Variants in RPS6KC1 observed in about 807,000 individuals in gnomAD.
RPS6KC1 encodes the protein inactive ribosomal protein S6 kinase delta-1.
RPS6KC1 carries 54 observed loss-of-function variants against 103.8 expected under a neutral mutation model. That is an observed-to-expected ratio of 0.52 (90% CI 0.42 to 0.65). RPS6KC1 has a LOEUF of 0.65. Among genes scored for constraint, RPS6KC1 ranks in the 30% least tolerant of loss-of-function variants. The probability of loss-of-function intolerance (pLI) is 0.00; values close to 1 mark genes in which losing one functional copy is unlikely to be tolerated. For synonymous variants in RPS6KC1, 439 were observed against 438.7 expected (o/e 1.00, Z -0.01); for missense variants, 1,151 against 1,253.8 (o/e 0.92, Z 1.24).
At chr1:213,118,021 C>CAAAAAAAAA (rs59318173) in intron 5 of RPS6KC1, among the ~76,000 whole-genome samples, 2,195 of 33,992 alleles carry the variant, frequency 0.065, 390 homozygotes, top group Non-Finnish European at 0.089. Flanking sequence ...GACTTTGTCT[C>CAAAAAAAAA]AAAAAAAAAA....
chr1:213,619,767 G>A, the RPS6KC1 span, among the ~76,000 whole-genome samples: 2 of 152,330 alleles, frequency 1.3e-5, no homozygotes, highest in Non-Finnish European at 1.5e-5. Flanking sequence ...TTTGCAAAAT[G>A]TCCAGGTGAA....
intron 6 of RPS6KC1, among the ~76,000 whole-genome samples, chr1:213,167,182 T>G (rs2091037016): frequency 6.6e-6 from 1 of 152,060 alleles, no homozygotes; most frequent in African/African-American, 2.4e-5. Context: ...GGGACTGATA[T>G]CTGAAACAAG....
chr1:213,165,412 TTTGTTG>T (rs1299594162), intron 6 of RPS6KC1, among the ~76,000 whole-genome samples: 4 of 151,200 alleles, frequency 2.6e-5, no homozygotes, highest in Non-Finnish European at 5.9e-5. Flanking sequence ...GTGTGTTTTT[TTTGTTG>T]TTGTTGTTGT....
At chr1:213,655,721 A>G in the RPS6KC1 span, among the ~76,000 whole-genome samples, 2 of 152,178 alleles carry the variant, frequency 1.3e-5, no homozygotes, top group African/African-American at 4.8e-5. Context: ...CTGCTGTGAA[A>G]CATTCTTTAC....
the RPS6KC1 span, among the ~76,000 whole-genome samples, chr1:213,753,333 G>A: frequency 6.6e-6 from 1 of 152,164 alleles, no homozygotes; most frequent in Non-Finnish European, 1.5e-5. Flanking sequence ...GGATACAGTG[G>A]GCAGTGGAGT....
chr1:213,781,950 T>C, the RPS6KC1 span, among the ~76,000 whole-genome samples: 2 of 152,198 alleles, frequency 1.3e-5, no homozygotes, highest in African/African-American at 4.8e-5. Flanking sequence ...CACCTTGCTA[T>C]ATTTACACAG....
At chr1:213,417,217 G>T in the RPS6KC1 span, among the ~76,000 whole-genome samples, 1 of 152,028 alleles carries the variant, frequency 6.6e-6, no homozygotes. Flanking sequence ...TTATACATTT[G>T]CTACGAATCT....
the RPS6KC1 span, among the ~76,000 whole-genome samples, chr1:213,740,974 A>ATCAGATATATGTACACATATATATATC: frequency 1.1e-4 from 10 of 94,958 alleles, no homozygotes; most frequent in Middle Eastern, 5.6e-3. Context: ...ACATATATAT[A>ATCAGATATATGTACACATATATATATC]TCAGATATAT....
the RPS6KC1 span, among the ~76,000 whole-genome samples, chr1:213,638,265 A>G: frequency 1.3e-5 from 2 of 151,992 alleles, no homozygotes; most frequent in East Asian, 3.9e-4. Context: ...TGAGTTTTGA[A>G]AATTCTTTAA....
the RPS6KC1 span, among the ~76,000 whole-genome samples, chr1:213,585,593 C>G: frequency 1.3e-5 from 2 of 152,196 alleles, no homozygotes; most frequent in South Asian, 2.1e-4. Context: ...TGTGTGAGAA[C>G]AGCCCAGGCA....
the RPS6KC1 span, among the ~76,000 whole-genome samples, chr1:213,672,777 T>C: frequency 6.6e-6 from 1 of 152,208 alleles, no homozygotes; most frequent in Non-Finnish European, 1.5e-5. Flanking sequence ...GTGGGCTAGA[T>C]GTTTTTACCT....
At chr1:213,202,345 T>A (rs1472328360) in intron 8 of RPS6KC1, among the ~76,000 whole-genome samples, 1 of 151,924 alleles carries the variant, frequency 6.6e-6, no homozygotes, top group Non-Finnish European at 1.5e-5. Context: ...GCGTGGTGGC[T>A]CATTCCTGTA....
chr1:213,760,348 G>T, the RPS6KC1 span, among the ~76,000 whole-genome samples: 1 of 152,180 alleles, frequency 6.6e-6, no homozygotes, highest in East Asian at 1.9e-4. Context: ...ATGGAGTAAT[G>T]GTTGGGACAC....
the RPS6KC1 span, among the ~76,000 whole-genome samples, chr1:213,439,047 GC>G: frequency 5.9e-3 from 902 of 152,216 alleles, 7 homozygotes; most frequent in African/African-American, 0.021. Flanking sequence ...ACCCGCCTCG[GC>G]CTCCCAAAGT....
the RPS6KC1 span, among the ~76,000 whole-genome samples, chr1:213,595,306 C>G: frequency 6.6e-6 from 1 of 152,154 alleles, no homozygotes; most frequent in Non-Finnish European, 1.5e-5. Flanking sequence ...CACCTCCAAC[C>G]ATTATACCTC....
the RPS6KC1 span, among the ~76,000 whole-genome samples, chr1:213,413,238 C>T: frequency 6.6e-6 from 1 of 152,332 alleles, no homozygotes; most frequent in African/African-American, 2.4e-5. Flanking sequence ...TCCATCACTT[C>T]AAGCATTTAT....
chr1:213,740,237 G>A, the RPS6KC1 span, among the ~76,000 whole-genome samples: 1 of 151,970 alleles, frequency 6.6e-6, no homozygotes, highest in Admixed American at 6.6e-5. Context: ...CATCATATAT[G>A]CATCTCTGAA....
chr1:213,249,607 A>G (rs1396223455), intron 12 of RPS6KC1, among the ~76,000 whole-genome samples: 1 of 152,150 alleles, frequency 6.6e-6, no homozygotes, highest in Non-Finnish European at 1.5e-5. Flanking sequence ...ATCAACTGTA[A>G]TGGCTTTGGT....
the RPS6KC1 span, among the ~76,000 whole-genome samples, chr1:213,364,728 C>T: frequency 0.031 from 4,702 of 152,042 alleles, 255 homozygotes; most frequent in African/African-American, 0.11. Context: ...CCTAGGCGGG[C>T]GGATCACCTG....
Sources: allele counts gnomAD v4.1 joint callset (sites outside exome capture counted in the v4.1 genomes callset), GRCh38; gene constraint gnomAD v4.1.1; transcripts MANE v1.5; gene names NCBI Gene and HGNC (gene_info 2026-07-23, HGNC 2026-07-21).